The following AP1S2 variants were observed in gnomAD, a reference collection of about 807,000 sequenced individuals.
AP1S2 encodes AP-1 complex subunit sigma-2.
AP1S2 carries 1 observed loss-of-function variant against 14.3 expected under a neutral mutation model. The observed-to-expected ratio is 0.07, with a 90% CI of 0.02 to 0.33. The LOEUF is 0.33. Among genes scored for constraint, AP1S2 ranks in the 10% least tolerant of loss-of-function variants. The probability of loss-of-function intolerance (pLI) is 0.99; values close to 1 mark genes in which losing one functional copy is unlikely to be tolerated. For missense variants in AP1S2, 30 were observed against 117.7 expected (o/e 0.25, Z 3.45); for synonymous variants, 30 against 40.5 (o/e 0.74, Z 0.99).
chrX:15,835,063 A>T (rs1933589084), intron 4 of AP1S2, among the ~76,000 whole-genome samples: 1 of 111,941 alleles, frequency 8.9e-6, no homozygotes, highest in Non-Finnish European at 1.9e-5. Context: ...GAACACTGAT[A>T]AAATAGGAAT....
chrX:15,847,549 A>G (rs778337346), intron 2 of AP1S2, among the ~76,000 whole-genome samples: 45 of 112,271 alleles, frequency 4.0e-4, no homozygotes, highest in Middle Eastern at 9.1e-3. Context: ...AGGTATTCAC[A>G]TGTGTTCATT....
intron 5 of AP1S2, 131 bp from the exon 6 acceptor site, chrX:15,827,503 T>C (rs1933301497): frequency 3.3e-6 from 2 of 614,717 alleles, no homozygotes; most frequent in Non-Finnish European, 5.5e-6. Flanking sequence ...AGCATTCTAG[T>C]TGACAGCCAT....
At chrX:15,846,152 C>T in intron 2 of AP1S2, 141 bp from the exon 3 acceptor site, 1 of 483,301 alleles carries the variant, frequency 2.1e-6, no homozygotes, top group South Asian at 3.4e-5. Flanking sequence ...TTCTCATAGA[C>T]TACAAAAGTA....
intron 2 of AP1S2, among the ~76,000 whole-genome samples, chrX:15,850,508 C>G (rs1260158145): frequency 4.4e-5 from 4 of 90,002 alleles, no homozygotes; most frequent in Non-Finnish European, 8.7e-5. Context: ...CATGCCACCA[C>G]GCCCAGCTAA....
In AP1S2 at chrX:15,838,825, G is replaced by A. The variant is rs190127906; in HGVS notation, c.426+6554C>T. Among the ~76,000 whole-genome samples, 198 of 110,999 alleles carry A rather than the reference G, an allele frequency of 1.8e-3. 1 individual carries two copies. Among genetic ancestry groups the A allele is most frequent in the African/African-American group, 6.2e-3 (189 of 30,491 alleles). On this transcript the variant is annotated intron_variant, in intron 4 of 5. Transcript: ENST00000672987. Reference sequence around the variant, plus strand: ...TGCAGTGGCCTGATTTCGGATCACTGCAGCCTCCGCTTCCTGGGTTCAAGC... The same window carrying A: ...TGCAGTGGCCTGATTTCGGATCACTACAGCCTCCGCTTCCTGGGTTCAAGC...
At chrX:15,833,125 G>C (rs1260430891) in intron 4 of AP1S2, 1 of 984,057 alleles carries the variant, frequency 1.0e-6, no homozygotes, top group Non-Finnish European at 1.3e-6. Flanking sequence ...TTATATTATA[G>C]TTTATCATCT....
At chrX:15,832,880 A>C (rs1933476885) in intron 4 of AP1S2, 1 of 1,006,516 alleles carries the variant, frequency 9.9e-7, no homozygotes, top group Admixed American at 5.1e-5. Context: ...AAACTTGACA[A>C]AATTGTCATT....
chrX:15,831,097 T>C (rs1779272136), intron 4 of AP1S2: 3 of 741,865 alleles, frequency 4.0e-6, no homozygotes, highest in Non-Finnish European at 4.8e-6. Context: ...CCTCCATATT[T>C]GAAGACCAAA....
At chrX:15,828,502 A>G (rs1055445247) in intron 4 of AP1S2, among the ~76,000 whole-genome samples, 2 of 112,027 alleles carry the variant, frequency 1.8e-5, no homozygotes, top group African/African-American at 6.5e-5. Context: ...CTATACACCA[A>G]TTCTACTTAT....
At chrX:15,845,128 G>C (rs936752941) in intron 4 of AP1S2, 2 of 752,245 alleles carry the variant, frequency 2.7e-6, no homozygotes, top group Admixed American at 1.8e-4. Context: ...TTAGACTCCA[G>C]TGTTTTAGGG....
chrX:15,848,579 G>A (rs1334081944), intron 2 of AP1S2, among the ~76,000 whole-genome samples: 1 of 112,184 alleles, frequency 8.9e-6, no homozygotes, highest in African/African-American at 3.2e-5. Context: ...AGAACCTGAA[G>A]TGTACTTCCT....
chrX:15,826,267 A>C lies in AP1S2; in HGVS notation c.*1058T>G, dbSNP rs894104991. The C allele has an allele frequency of 8.9e-6, 1 of 112,575 alleles. No homozygotes were observed. Among genetic ancestry groups the C allele is most frequent in the Non-Finnish European group, 1.9e-5 (1 of 53,330 alleles). The allele number at this position is 112,575 out of a possible 1,213,427, so 9.3% of individuals were successfully genotyped here. A position where few individuals can be genotyped will look rare whatever the true frequency, so the allele number is the denominator to read the frequency against. ...CTGAACAATTACATAGCTTTAAAAA[A>C]TATAGAGCCATCTAATGCCATTTTA... On this transcript the variant is annotated 3_prime_UTR_variant, in exon 6 of 6. Coordinates refer to ENST00000672987, the MANE Select transcript of AP1S2 (RefSeq NM_001272071.2).
At chrX:15,833,075 A>G in intron 4 of AP1S2, 3 of 1,047,744 alleles carry the variant, frequency 2.9e-6, no homozygotes, top group Non-Finnish European at 3.7e-6. Context: ...CCAATCTGTC[A>G]AATAACCTTT....
intron 4 of AP1S2, among the ~76,000 whole-genome samples, chrX:15,837,757 C>T (rs1184337658): frequency 9.1e-6 from 1 of 109,294 alleles, no homozygotes; most frequent in East Asian, 2.9e-4. Flanking sequence ...CAGGCACGCA[C>T]CACCACGCCC....
chrX:15,841,765 T>A (rs1388842755), intron 4 of AP1S2, among the ~76,000 whole-genome samples: 1 of 112,135 alleles, frequency 8.9e-6, no homozygotes, highest in African/African-American at 3.2e-5. Flanking sequence ...CAGAAAAACC[T>A]CTGGGAGAAT....
intron 4 of AP1S2, among the ~76,000 whole-genome samples, chrX:15,837,991 C>A (rs1933704061): frequency 8.9e-6 from 1 of 111,775 alleles, no homozygotes; most frequent in Non-Finnish European, 1.9e-5. Context: ...TTTTTAGCCA[C>A]TTATTTATAC....
intron 4 of AP1S2, among the ~76,000 whole-genome samples, chrX:15,829,771 C>T (rs1018319033): frequency 9.0e-6 from 1 of 110,762 alleles, no homozygotes; most frequent in Admixed American, 9.7e-5. Context: ...AACAGAAAGT[C>T]GAATGGTGGT....
intron 1 of AP1S2, among the ~76,000 whole-genome samples, chrX:15,854,374 A>G (rs1306246188): frequency 8.9e-6 from 1 of 112,285 alleles, no homozygotes; most frequent in Non-Finnish European, 1.9e-5. Context: ...GGGGGCGCCA[A>G]GAGTCCTCGG....
At position 15,852,462 on chromosome X, in the gene AP1S2, T is replaced by G. The variant is rs1204068080; in HGVS notation, c.63A>C (p.Pro21=). The G allele has an allele frequency of 8.3e-7, 1 of 1,211,362 alleles. No homozygotes were observed. The highest frequency in any genetic ancestry group is 1.1e-6 in the Non-Finnish European group (1 of 894,938). Residue 21 remains proline, a synonymous_variant, in exon 2 of 6, where the codon CCA becomes CCC. Transcript: ENST00000672987. ...GKLRLQKWYV[P]LSDKEKKKIT... is the part of the protein sequence containing the mutation. ...TCTTTTTCTTCTCTTTGTCTGATAG[T>G]GGGACATACCATTTTTGCAGTCGAA...
Sources: gnomAD v4.1 joint callset for allele counts (sites outside exome capture counted in the v4.1 genomes callset) on GRCh38, gnomAD v4.1.1 for gene constraint, MANE v1.5 for transcripts, NCBI Gene and HGNC (gene_info 2026-07-23, HGNC 2026-07-21) for gene names.